Variants in SLC5A4 observed in about 807,000 individuals in gnomAD.
The protein encoded by SLC5A4 is probable glucose sensor protein SLC5A4.
A neutral mutation model predicts 70.3 loss-of-function variants in SLC5A4; 55 were observed. The ratio of observed to expected loss-of-function variants is 0.78; its 90% CI spans 0.63 to 0.98. The LOEUF is 0.98. SLC5A4 is among the 50% of genes least tolerant of loss of function. The pLI, the probability that SLC5A4 is intolerant of heterozygous loss-of-function variation, is 0.00. For synonymous variants in SLC5A4, 268 were observed against 305.7 expected (o/e 0.88, Z 1.29); for missense variants, 735 against 839.2 (o/e 0.88, Z 1.53).
chr22:32,305,406 G>C, the SLC5A4 span, among the ~76,000 whole-genome samples: 1 of 145,050 alleles, frequency 6.9e-6, no homozygotes, highest in Non-Finnish European at 1.5e-5. Flanking sequence ...TGCCAGGAAA[G>C]ATATATTTAA....
the SLC5A4 span, among the ~76,000 whole-genome samples, chr22:32,343,683 C>T: frequency 1.2e-4 from 19 of 152,090 alleles, no homozygotes; most frequent in African/African-American, 4.6e-4. Context: ...GTGGTCTCTA[C>T]CCAAACTTTT....
the SLC5A4 span, among the ~76,000 whole-genome samples, chr22:32,311,976 A>ACCCCCC: frequency 6.7e-6 from 1 of 150,186 alleles, no homozygotes. Flanking sequence ...GCGCCTGGGC[A>ACCCCCC]CCCCCCTTCC....
At chr22:32,347,039 G>A in the SLC5A4 span, among the ~76,000 whole-genome samples, 1 of 152,162 alleles carries the variant, frequency 6.6e-6, no homozygotes, top group Non-Finnish European at 1.5e-5. Flanking sequence ...CAAAAAGTGG[G>A]CGAAGGATAT....
At chr22:32,241,147 T>TA (rs1485411851) in intron 5 of SLC5A4, among the ~76,000 whole-genome samples, 2 of 152,186 alleles carry the variant, frequency 1.3e-5, no homozygotes, top group Non-Finnish European at 2.9e-5. Context: ...TGAAGAAACT[T>TA]AGAGTTAGAC....
upstream of SLC5A4, among the ~76,000 whole-genome samples, chr22:32,255,789 C>T (rs1487088618): frequency 3.3e-5 from 5 of 152,158 alleles, no homozygotes; most frequent in Non-Finnish European, 5.9e-5. Context: ...TTATGCCTTT[C>T]GTGGATTCCA....
the SLC5A4 span, chr22:32,272,826 C>G: frequency 1.9e-6 from 1 of 513,268 alleles, no homozygotes; most frequent in Middle Eastern, 3.0e-4. Context: ...AGGATGGTGG[C>G]ATCGGGCTGC....
chr22:32,344,848 G>A, the SLC5A4 span, among the ~76,000 whole-genome samples: 4,901 of 151,958 alleles, frequency 0.032, 125 homozygotes, highest in Non-Finnish European at 0.042. Context: ...ACTGATTAGC[G>A]TACCCTGTAT....
chr22:32,270,001 G>A, the SLC5A4 span: 25 of 501,820 alleles, frequency 5.0e-5, no homozygotes, highest in South Asian at 1.0e-4. Context: ...CAAGTACACC[G>A]AGAAGCTTCA....
the SLC5A4 span, among the ~76,000 whole-genome samples, chr22:32,348,729 G>C: frequency 6.6e-6 from 1 of 152,054 alleles, no homozygotes; most frequent in African/African-American, 2.4e-5. Flanking sequence ...TTAAAGAACT[G>C]ATCAATGTTC....
the SLC5A4 span, among the ~76,000 whole-genome samples, chr22:32,353,095 C>G: frequency 1.3e-5 from 2 of 152,190 alleles, no homozygotes; most frequent in Non-Finnish European, 2.9e-5. Context: ...CCGGTTTCAG[C>G]GAAGGCACTC....
chr22:32,269,729 C>T, the SLC5A4 span: 12 of 628,214 alleles, frequency 1.9e-5, no homozygotes, highest in East Asian at 1.2e-4. The surrounding 1 kb of genome is among the most constrained non-coding windows in gnomAD (Gnocchi z 4.1). Context: ...CCACAGGCAC[C>T]GCAGCTTTCC....
chr22:32,298,456 A>C, the SLC5A4 span, among the ~76,000 whole-genome samples: 3 of 111,572 alleles, frequency 2.7e-5, no homozygotes, highest in African/African-American at 1.0e-4. Context: ...AGTCTGTTTT[A>C]TCAGAGACTA....
intron 6 of SLC5A4, 62 bp from the exon 7 acceptor site, chr22:32,237,386 A>G: frequency 8.7e-7 from 1 of 1,143,810 alleles, no homozygotes; most frequent in Non-Finnish European, 1.2e-6. Flanking sequence ...ATTTACCTTC[A>G]CCACTGGGTT....
At chr22:32,295,113 C>T in the SLC5A4 span, among the ~76,000 whole-genome samples, 1 of 105,560 alleles carries the variant, frequency 9.5e-6, no homozygotes, top group Non-Finnish European at 2.0e-5. Context: ...TGAATAATGC[C>T]ACAATAAACA....
the SLC5A4 span, among the ~76,000 whole-genome samples, chr22:32,286,870 T>C: frequency 6.6e-6 from 1 of 152,236 alleles, no homozygotes; most frequent in African/African-American, 2.4e-5. Context: ...ATTAAAAAGC[T>C]GTCTGCTTCC....
the SLC5A4 span, among the ~76,000 whole-genome samples, chr22:32,305,858 GCT>G: frequency 1.3e-5 from 2 of 150,784 alleles, no homozygotes; most frequent in African/African-American, 2.4e-5. Flanking sequence ...CGTGCTTTCG[GCT>G]CTGTCTCGTC....
At chr22:32,283,450 C>A in the SLC5A4 span, among the ~76,000 whole-genome samples, 2 of 152,232 alleles carry the variant, frequency 1.3e-5, no homozygotes, top group Non-Finnish European at 2.9e-5. Context: ...GCACCATTAA[C>A]ATTTTCTCCA....
At chr22:32,354,298 C>T in the SLC5A4 span, among the ~76,000 whole-genome samples, 9 of 151,236 alleles carry the variant, frequency 6.0e-5, no homozygotes, top group African/African-American at 1.2e-4. Flanking sequence ...ACCCCCCTCC[C>T]TGCTGCCAAC....
At chr22:32,255,141 A>G in intron 1 of SLC5A4, 54 bp downstream of exon 1, 2 of 1,148,942 alleles carry the variant, frequency 1.7e-6, no homozygotes, top group Non-Finnish European at 2.6e-6. Flanking sequence ...CCCCCTTAAG[A>G]TACCCCCTCC....
Sources: allele counts gnomAD v4.1 joint callset (sites outside exome capture counted in the v4.1 genomes callset), GRCh38; gene constraint gnomAD v4.1.1; non-coding constraint Gnocchi (gnomAD v3.1); transcripts MANE v1.5; gene names NCBI Gene and HGNC (gene_info 2026-07-23, HGNC 2026-07-21).